Variants in ATAD3B observed in about 807,000 individuals in gnomAD.
The protein encoded by ATAD3B is ATPase family AAA domain-containing protein 3B.
In ATAD3B, 59 loss-of-function variants were observed where a neutral mutation model predicts 70.2. The observed-to-expected ratio is 0.84, with a 90% CI of 0.68 to 1.04. The LOEUF (loss-of-function observed/expected upper bound fraction) is 1.04, where lower values mean the gene tolerates loss of function less well. Ranked by LOEUF, ATAD3B falls within the 50% of genes least tolerant of loss-of-function variation. The pLI is 0.00. For synonymous variants in ATAD3B, 423 were observed against 388.6 expected (o/e 1.09, Z -1.04); for missense variants, 961 against 913.4 (o/e 1.05, Z -0.67).
the ATAD3B span, among the ~76,000 whole-genome samples, chr1:1,505,551 G>A: frequency 6.6e-6 from 1 of 152,122 alleles, no homozygotes; most frequent in Admixed American, 6.6e-5. Context: ...GCTAAGTAGC[G>A]GGTGTTTTCC....
intron 15 of ATAD3B, among the ~76,000 whole-genome samples, chr1:1,494,093 G>A (rs1182038720): frequency 6.6e-6 from 1 of 152,010 alleles, no homozygotes; most frequent in African/African-American, 2.4e-5. Flanking sequence ...AAAATTGCAA[G>A]GGTAGCACAG....
At chr1:1,479,410 C>A (rs1490072083) in intron 4 of ATAD3B, among the ~76,000 whole-genome samples, 2 of 144,862 alleles carry the variant, frequency 1.4e-5, no homozygotes, top group Non-Finnish European at 3.0e-5. Flanking sequence ...ACACACACCC[C>A]TGCACACACG....
chr1:1,506,839 G>A, the ATAD3B span, among the ~76,000 whole-genome samples: 1 of 148,326 alleles, frequency 6.7e-6, no homozygotes, highest in African/African-American at 2.5e-5. Flanking sequence ...CCAGGCTGGA[G>A]TGCAGTGGCA....
Position 1,479,209 on chromosome 1 carries a change from G to A in ATAD3B, c.444+101G>A, listed in dbSNP as rs976782669. 43 of 1,398,916 alleles carry A rather than the reference G, an allele frequency of 3.1e-5. 5 individuals carry two copies. In the African/African-American group the frequency reaches 7.0e-4, roughly 23 times the overall value. The allele number at this position is 1,398,916 out of a possible 1,614,324, so 86.7% of individuals were successfully genotyped here. On this transcript the variant is annotated intron_variant, in intron 4 of 15. Transcript: ENST00000673477. The stretch of plus-strand genomic sequence containing the variant: ...AGAGGCCACGGGGCAAGAACGATGG[G>A]GTTGCTGACGGTGGGTGCTAGAGCA...
the ATAD3B span, among the ~76,000 whole-genome samples, chr1:1,505,982 C>T: frequency 1.3e-5 from 2 of 152,160 alleles, no homozygotes; most frequent in Non-Finnish European, 2.9e-5. Context: ...GCTGTAATCC[C>T]AGCACTTTGG....
At chr1:1,488,383 G>A (rs953459936) in intron 12 of ATAD3B, among the ~76,000 whole-genome samples, 1 of 151,858 alleles carries the variant, frequency 6.6e-6, no homozygotes, top group Non-Finnish European at 1.5e-5. Context: ...ACACTAACAC[G>A]CCCGGCTAAT....
In ATAD3B at chr1:1,479,924, G is replaced by A. The variant is rs556357212; in HGVS notation, c.444+816G>A. On this transcript the variant is annotated intron_variant, in intron 4 of 15. Transcript: ENST00000673477. ...CACACACACGGGCGCGCACACACCC[G>A]GACATGCACAAACACCCACCTGCAC... Among the ~76,000 whole-genome samples the A allele has an allele frequency of 2.2e-3, 295 of 136,172 alleles. 21 individuals carry two copies. The highest frequency in any genetic ancestry group is 4.6e-4 in the Non-Finnish European group (29 of 63,666). 89.3% of individuals were successfully genotyped at this position (136,172 alleles called of 152,430 possible).
chr1:1,477,272 A>G lies in ATAD3B; in HGVS notation c.206-2A>G, dbSNP rs1402053697. Reference sequence around the variant, plus strand: ...TGCTCTCCGTGCCACATGCGCCCGCAGGTTACGCCAAGGAGGCCCTGAATC... The same window carrying G: ...TGCTCTCCGTGCCACATGCGCCCGCGGGTTACGCCAAGGAGGCCCTGAATC... On this transcript the variant is annotated splice_acceptor_variant, in intron 1 of 15. Coordinates refer to ENST00000673477, the MANE Select transcript of ATAD3B (RefSeq NM_031921.6). LOFTEE classifies it high-confidence loss of function. 4 of 1,612,190 alleles carry G rather than the reference A, an allele frequency of 2.5e-6. No individual in the cohort carries two copies. Among genetic ancestry groups the G allele is most frequent in the Non-Finnish European group, 3.4e-6 (4 of 1,179,636 alleles).
chr1:1,507,460 T>C, the ATAD3B span, among the ~76,000 whole-genome samples: 3 of 152,238 alleles, frequency 2.0e-5, no homozygotes, highest in Non-Finnish European at 4.4e-5. Context: ...TCTGCTAATA[T>C]TGATTGCTTT....
At chr1:1,506,145 G>A in the ATAD3B span, among the ~76,000 whole-genome samples, 1 of 152,138 alleles carries the variant, frequency 6.6e-6, no homozygotes, top group Non-Finnish European at 1.5e-5. Context: ...AGAGGCAGGA[G>A]AATCACTTGA....
chr1:1,477,269 C>A lies in ATAD3B; in HGVS notation c.206-5C>A. The A allele has an allele frequency of 2.5e-6, 4 of 1,612,262 alleles. No individual in the cohort carries two copies. Among genetic ancestry groups the A allele is most frequent in the Non-Finnish European group, 3.4e-6 (4 of 1,179,602 alleles). On this transcript the variant is annotated splice_region_variant and splice_polypyrimidine_tract_variant and intron_variant, in intron 1 of 15. Coordinates refer to ENST00000673477, the MANE Select transcript of ATAD3B (RefSeq NM_031921.6). ...ACCTGCTCTCCGTGCCACATGCGCC[C>A]GCAGGTTACGCCAAGGAGGCCCTGA...
intron 7 of ATAD3B, chr1:1,483,599 C>T (rs1467429953): frequency 6.3e-6 from 1 of 159,932 alleles, no homozygotes; most frequent in Non-Finnish European, 1.4e-5. Context: ...TGGTGAAAAC[C>T]CATCTCTACT....
intron 2 of ATAD3B, chr1:1,478,238 C>G: frequency 1.9e-6 from 1 of 527,814 alleles, no homozygotes; most frequent in Non-Finnish European, 3.2e-6. Context: ...CTCAGGTGAT[C>G]CAGCCACTTT....
intron 15 of ATAD3B, among the ~76,000 whole-genome samples, chr1:1,492,660 C>T (rs1640594333): frequency 6.6e-6 from 1 of 151,644 alleles, no homozygotes; most frequent in Non-Finnish European, 1.5e-5. Flanking sequence ...CTGGACGGGG[C>T]CGGGTGTGGT....
At chr1:1,499,263 G>A (rs930037782), downstream of ATAD3B, among the ~76,000 whole-genome samples, 5 of 148,412 alleles carry the variant, frequency 3.4e-5, no homozygotes, top group East Asian at 3.9e-4. Flanking sequence ...GAGCCAGTGC[G>A]CCCGGCCTGG....
the ATAD3B span, chr1:1,509,301 T>C: frequency 1.2e-6 from 2 of 1,612,660 alleles, no homozygotes; most frequent in Admixed American, 3.3e-5. Flanking sequence ...GATGATGCGC[T>C]GGCTGAAGAG....
chr1:1,487,973 C>T (rs1361469793), intron 12 of ATAD3B, 59 bp downstream of exon 12: 2 of 1,598,382 alleles, frequency 1.3e-6, no homozygotes, highest in Non-Finnish European at 1.7e-6. Flanking sequence ...GCGCGGCTGT[C>T]ATCCTGGGCC....
chr1:1,485,762 T>C lies in ATAD3B; in HGVS notation c.907-20T>C. The C allele has an allele frequency of 6.2e-7, 1 of 1,612,464 alleles. No homozygotes were observed. The highest frequency in any genetic ancestry group is 2.2e-5 in the East Asian group (1 of 44,846). ...GCTGTGGCAGGTGACCCAATGGTGC[T>C]TCCCCTTCCCCTCCGGCAGGTCAGC... is the stretch of plus-strand genomic sequence containing the variant. On this transcript the variant is annotated intron_variant, in intron 8 of 15. Transcript: ENST00000673477.
intron 9 of ATAD3B, 54 bp from the exon 10 acceptor site, chr1:1,486,056 C>CT (rs1480617942): frequency 6.2e-7 from 1 of 1,610,904 alleles, no homozygotes. Flanking sequence ...CCCCTGTCAC[C>CT]GAGGCTTCCG....
Sources: allele counts gnomAD v4.1 joint callset (sites outside exome capture counted in the v4.1 genomes callset), GRCh38; gene constraint gnomAD v4.1.1; transcripts MANE v1.5; gene names NCBI Gene and HGNC (gene_info 2026-07-23, HGNC 2026-07-21).